Variants in VSX2 observed in about 807,000 individuals in gnomAD.
VSX2 encodes visual system homeobox 2.
Under a neutral mutation model 32.1 loss-of-function variants are expected in VSX2, and 28 were observed. The ratio of observed to expected loss-of-function variants is 0.87; its 90% CI spans 0.65 to 1.20. The LOEUF (loss-of-function observed/expected upper bound fraction) is 1.20, where lower values mean the gene tolerates loss of function less well. Ranked by LOEUF, VSX2 falls within the 50% of genes most tolerant of loss-of-function variation. The probability of loss-of-function intolerance (pLI) is 0.00; values close to 1 mark genes in which losing one functional copy is unlikely to be tolerated. For missense variants in VSX2, 506 were observed against 488.7 expected (o/e 1.04, Z -0.33); for synonymous variants, 243 against 214.1 (o/e 1.14, Z -1.18).
chr14:74,241,366 G>C (rs2079149185), intron 2 of VSX2, 100 bp downstream of exon 2: 3 of 1,325,750 alleles, frequency 2.3e-6, no homozygotes, highest in South Asian at 1.2e-5. Flanking sequence ...GCCGACAACG[G>C]ATCTGAGGTC....
rs886050737 is a variant in VSX2, at chr14:74,239,867, C to A, written c.306C>A (p.Ser102Arg). The change falls in exon 1 of 5, where the codon AGC becomes AGA. Residue 102 changes from serine to arginine, a missense_variant. Coordinates refer to ENST00000261980, the MANE Select transcript of VSX2 (RefSeq NM_182894.3). ...TFLEVLSDPQ[S>R]VHLQPLGRAS... Reference sequence around the variant, plus strand: ...TGGAAGTGCTGTCCGACCCGCAGAGCGTCCACTTGCAGCCATTGGGCAGAG... The same window carrying A: ...TGGAAGTGCTGTCCGACCCGCAGAGAGTCCACTTGCAGCCATTGGGCAGAG... The A allele has an allele frequency of 3.2e-6, 5 of 1,576,618 alleles. No individual in the cohort carries two copies. The East Asian group carries it at 1.2e-4, about 36-fold the overall frequency.
intron 2 of VSX2, among the ~76,000 whole-genome samples, chr14:74,243,058 G>A (rs2079161509): frequency 6.6e-6 from 1 of 152,140 alleles, no homozygotes; most frequent in Non-Finnish European, 1.5e-5. Flanking sequence ...GAAGGTTATT[G>A]GAGAGAGGAG....
At position 74,245,218 on chromosome 14, in the gene VSX2, C is replaced by T; in HGVS notation, c.509C>T (p.Ala170Val). 1 of 1,613,696 alleles carries T rather than the reference C, an allele frequency of 6.2e-7. No individual in the cohort carries two copies. The highest frequency in any genetic ancestry group is 8.5e-7 in the Non-Finnish European group (1 of 1,179,928). Residue 170 changes from alanine (A) to valine (V), a missense_variant, in exon 3 of 5, where the codon GCC becomes GTC. Coordinates refer to ENST00000261980, the MANE Select transcript of VSX2 (RefSeq NM_182894.3). The part of the protein sequence containing the change: ...LEELEKAFNE[A>V]HYPDVYAREM... ...GAGCTGGAGAAGGCATTCAACGAAGCCCACTACCCAGACGTCTATGCCCGG... is the reference window on the plus strand; with the variant it reads ...GAGCTGGAGAAGGCATTCAACGAAGTCCACTACCCAGACGTCTATGCCCGG...
rs57885912 is a variant in VSX2, at chr14:74,244,881, AGTGT to A, written c.456-238_456-235del. On this transcript the variant is annotated intron_variant, in intron 2 of 4. Transcript: ENST00000261980. ...AACTATGAGACAGAGAGAGAGAGAA[AGTGT>A]GTGTGTGTGTGTGTGTGTGTGTGTG... is the stretch of plus-strand genomic sequence containing the variant. 0.17 allele frequency among the ~76,000 whole-genome samples: 8,637 copies of A among 51,046 alleles called. 1,092 individuals are homozygous for A. Among genetic ancestry groups the A allele is most frequent in the African/African-American group, 0.23 (3,594 of 15,562 alleles). 33.5% of individuals were successfully genotyped at this position (51,046 alleles called of 152,430 possible). A position where few individuals can be genotyped will look rare whatever the true frequency, so the allele number is the denominator to read the frequency against.
intron 3 of VSX2, among the ~76,000 whole-genome samples, chr14:74,251,515 A>C (rs2079229072): frequency 6.6e-6 from 1 of 152,256 alleles, no homozygotes; most frequent in African/African-American, 2.4e-5. Context: ...TATGCTTTTA[A>C]ATCTCTCTAG....
chr14:74,239,569 G>A lies in VSX2; in HGVS notation c.8G>A (p.Gly3Glu). 1.9e-6 allele frequency: 3 copies of A among 1,551,308 alleles called. No homozygotes were observed. Among genetic ancestry groups the A allele is most frequent in the Non-Finnish European group, 2.6e-6 (3 of 1,146,994 alleles). The change falls in exon 1 of 5, where the codon GGG (glycine) becomes GAG (glutamate). Residue 3 changes from glycine to glutamate, a missense_variant. Transcript: ENST00000261980. MT[G>E]KAGEALSKPK... The stretch of plus-strand genomic sequence containing the variant: ...CCTCCAAAGAACAGGGAGATGACGG[G>A]GAAAGCAGGGGAAGCGCTGAGCAAG...
At position 74,261,243 on chromosome 14, in the gene VSX2, T is replaced by C. The variant is rs2079306032; in HGVS notation, c.*324T>C. On this transcript the variant is annotated 3_prime_UTR_variant, in exon 5 of 5. Coordinates refer to ENST00000261980, the MANE Select transcript of VSX2 (RefSeq NM_182894.3). ...TGGCCACCCCTTGCTCTCTGTTCTC[T>C]TGCTTTAAAGAGTCCTCCTTCCCAG... 2.6e-6 allele frequency: 1 copy of C among 386,322 alleles called. No individual in the cohort carries two copies. The highest frequency in any genetic ancestry group is 4.8e-6 in the Non-Finnish European group (1 of 209,546). The allele number at this position is 386,322 out of a possible 1,614,324, so 23.9% of individuals were successfully genotyped here. A position where few individuals can be genotyped will look rare whatever the true frequency, so the allele number is the denominator to read the frequency against.
chr14:74,256,696 CAG>C (rs1220440940), intron 3 of VSX2, among the ~76,000 whole-genome samples: 2 of 113,432 alleles, frequency 1.8e-5, no homozygotes, highest in Non-Finnish European at 3.4e-5. Context: ...TTTTTTGAGA[CAG>C]AGTCTTGCTC....
intron 2 of VSX2, among the ~76,000 whole-genome samples, chr14:74,242,450 C>T (rs987128399): frequency 6.6e-6 from 1 of 152,198 alleles, no homozygotes; most frequent in African/African-American, 2.4e-5. Flanking sequence ...ACGGCCTATC[C>T]TCACCCCTTA....
rs759505373 is a variant in VSX2, at chr14:74,245,162, C to T, written c.456-3C>T. 1.9e-6 allele frequency: 3 copies of T among 1,613,672 alleles called. No homozygotes were observed. Among genetic ancestry groups the T allele is most frequent in the Non-Finnish European group, 2.5e-6 (3 of 1,179,876 alleles). On this transcript the variant is annotated splice_region_variant and splice_polypyrimidine_tract_variant and intron_variant, in intron 2 of 4. Coordinates refer to ENST00000261980, the MANE Select transcript of VSX2 (RefSeq NM_182894.3). ...CCTGAGTGTTCGGTCTTGCTCCCCTCAGGACAATCTTTACCTCCTACCAGC... is the reference window on the plus strand; with the variant it reads ...CCTGAGTGTTCGGTCTTGCTCCCCTTAGGACAATCTTTACCTCCTACCAGC...
intron 3 of VSX2, among the ~76,000 whole-genome samples, chr14:74,254,561 T>A (rs1216506644): frequency 6.6e-6 from 1 of 152,202 alleles, no homozygotes; most frequent in Non-Finnish European, 1.5e-5. Context: ...CCCCTCCTCC[T>A]GGACTGTTGT....
chr14:74,256,669 CTTTTTTT>C (rs34012116), intron 3 of VSX2, among the ~76,000 whole-genome samples: 4 of 93,052 alleles, frequency 4.3e-5, no homozygotes, highest in Admixed American at 1.1e-4. Flanking sequence ...GGGAGTCATA[CTTTTTTT>C]TTTTTTTTTT....
chr14:74,258,330 T>C (rs2079280909), intron 3 of VSX2, among the ~76,000 whole-genome samples: 1 of 152,084 alleles, frequency 6.6e-6, no homozygotes, highest in African/African-American at 2.4e-5. Flanking sequence ...GGGTGACTCT[T>C]CTTTTGCCGC....
chr14:74,260,477 G>A, intron 4 of VSX2, 117 bp from the exon 5 acceptor site: 1 of 1,055,976 alleles, frequency 9.5e-7, no homozygotes. Flanking sequence ...CTGCGGTGTG[G>A]GGAGTAAGGC....
chr14:74,241,116 C>G, intron 1 of VSX2, 66 bp from the exon 2 acceptor site: 1 of 1,552,904 alleles, frequency 6.4e-7, no homozygotes, highest in Non-Finnish European at 8.8e-7. Flanking sequence ...GTGGGGCCCT[C>G]GCGGGTTTCG....
In VSX2 at chr14:74,260,718, C is replaced by T. The variant is rs1004595032; in HGVS notation, c.885C>T (p.Ala295=). 6 of 1,593,288 alleles carry T rather than the reference C, an allele frequency of 3.8e-6. No homozygotes were observed. The highest frequency in any genetic ancestry group is 5.1e-6 in the Non-Finnish European group (6 of 1,170,334). The change falls in exon 5 of 5, where the codon GCC becomes GCT. Residue 295 remains alanine (A), a synonymous_variant. Transcript: ENST00000261980. ...AGCGGGGCCCCGACGCTCAGGCGGC[C>T]ATCTCCCAGGAGGAACTGAGGGAGA... ...QDERGPDAQA[A]ISQEELRENS... is the part of the protein sequence containing the mutation.
At chr14:74,256,167 A>G (rs934375802) in intron 3 of VSX2, among the ~76,000 whole-genome samples, 16 of 152,162 alleles carry the variant, frequency 1.1e-4, no homozygotes, top group Non-Finnish European at 2.4e-4. Flanking sequence ...ACGGTGGCTC[A>G]CACCTGTAAT....
rs35214083 is a variant in VSX2, at chr14:74,239,860, C to A, written c.299C>A (p.Pro100Gln). 1,299 of 1,577,558 alleles carry A rather than the reference C, an allele frequency of 8.2e-4. 18 individuals carry two copies. The African/African-American group carries it at 0.015, about 19-fold the overall frequency. ...ACCTTCCTGGAAGTGCTGTCCGACC[C>A]GCAGAGCGTCCACTTGCAGCCATTG... Reference protein sequence around the residue: ...QPTFLEVLSDPQSVHLQPLGR... With the variant: ...QPTFLEVLSDQQSVHLQPLGR... The change falls in exon 1 of 5, where the codon CCG becomes CAG. Residue 100 changes from proline (P) to glutamine (Q), a missense_variant. Transcript: ENST00000261980.
chr14:74,260,706 C>T lies in VSX2; in HGVS notation c.873C>T (p.Asp291=), dbSNP rs146821562. The change falls in exon 5 of 5, where the codon GAC becomes GAT. Residue 291 remains aspartate (D), a synonymous_variant. Coordinates refer to ENST00000261980, the MANE Select transcript of VSX2 (RefSeq NM_182894.3). ...DKMEQDERGP[D]AQAAISQEEL... ...TGGAGCAGGACGAGCGGGGCCCCGA[C>T]GCTCAGGCGGCCATCTCCCAGGAGG... 50 of 1,593,748 alleles carry T rather than the reference C, an allele frequency of 3.1e-5. No individual in the cohort carries two copies. In the East Asian group the frequency reaches 4.8e-4, roughly 15 times the overall value.
Sources: allele counts gnomAD v4.1 joint callset (sites outside exome capture counted in the v4.1 genomes callset), GRCh38; gene constraint gnomAD v4.1.1; transcripts MANE v1.5; gene names NCBI Gene and HGNC (gene_info 2026-07-23, HGNC 2026-07-21).